ADAM17: variants seen among roughly 807,000 people sequenced by gnomAD.
ADAM17 encodes disintegrin and metalloproteinase domain-containing protein 17.
In ADAM17, 39 loss-of-function variants were observed where a neutral mutation model predicts 96.7. That is an observed-to-expected ratio of 0.40 (90% CI 0.31 to 0.53). The LOEUF is 0.53. Ranked by LOEUF, ADAM17 falls within the 20% of genes least tolerant of loss-of-function variation. ADAM17 has a pLI of 0.44. For missense variants in ADAM17, 777 were observed against 1,013.2 expected, an observed-to-expected ratio of 0.77 and a Z score of 3.17; for synonymous variants, 344 against 359.2, an observed-to-expected ratio of 0.96 and a Z score of 0.48.
intron 2 of ADAM17, among the ~76,000 whole-genome samples, chr2:9,541,285 G>A (rs913841206): frequency 2.6e-5 from 4 of 152,202 alleles, no homozygotes; most frequent in East Asian, 1.9e-4. Flanking sequence ...ATTTTGGGTC[G>A]GGCACGGTGG....
chr2:9,524,748 T>C (rs1353355943), intron 6 of ADAM17, among the ~76,000 whole-genome samples: 2 of 152,190 alleles, frequency 1.3e-5, no homozygotes, highest in Non-Finnish European at 2.9e-5. Context: ...AGAACAAGGT[T>C]CATTTCAGCA....
Position 9,491,098 on chromosome 2 carries a change from T to C in ADAM17, c.2133+3A>G. The stretch of plus-strand genomic sequence containing the variant: ...TTATGTTTCTTTCATATGGTATACT[T>C]ACACTGGGGTGAAACAGAGACAGAG... On this transcript the variant is annotated splice_donor_region_variant and intron_variant, in intron 18 of 18. Coordinates refer to ENST00000310823, the MANE Select transcript of ADAM17 (RefSeq NM_003183.6). The C allele has an allele frequency of 6.2e-7, 1 of 1,612,548 alleles. No homozygotes were observed. The highest frequency in any genetic ancestry group is 8.5e-7 in the Non-Finnish European group (1 of 1,178,696).
At position 9,521,311 on chromosome 2, in the gene ADAM17, G is replaced by A; in HGVS notation, c.849C>T (p.Arg283=). 1 of 1,594,702 alleles carries A rather than the reference G, an allele frequency of 6.3e-7. No homozygotes were observed. The highest frequency in any genetic ancestry group is 2.2e-5 in the East Asian group (1 of 44,766). ...TTACCTCTTGTGGAGACTTGAGAAT[G>A]CGAATCTATACTTAAAGAGATCATA... is the stretch of plus-strand genomic sequence containing the variant. ...KGYGIQIEQI[R]ILKSPQEVKP... Residue 283 remains arginine, a synonymous_variant, in exon 8 of 19, where the codon CGC becomes CGT. Coordinates refer to ENST00000310823, the MANE Select transcript of ADAM17 (RefSeq NM_003183.6).
At chr2:9,500,851 G>A (rs1004512324) in intron 13 of ADAM17, among the ~76,000 whole-genome samples, 5 of 152,148 alleles carry the variant, frequency 3.3e-5, no homozygotes, top group African/African-American at 1.2e-4. Flanking sequence ...AAAAGATACT[G>A]GACACCTGGA....
Position 9,543,265 on chromosome 2 carries a change from A to G in ADAM17, c.118T>C (p.Ser40Pro). 1 of 1,597,584 alleles carries G rather than the reference A, an allele frequency of 6.3e-7. No individual in the cohort carries two copies. The highest frequency in any genetic ancestry group is 1.1e-5 in the South Asian group (1 of 87,488). Residue 40 changes from serine to proline, a missense_variant, in exon 2 of 19, where the codon TCA becomes CCA. By Grantham distance (74) the Ser-to-Pro change is moderately conservative (BLOSUM62 -1). This residue lies in a region of ADAM17 where 134 missense variants were observed against 129.1 expected (regional missense o/e 1.04). Transcript: ENST00000310823. The stretch of plus-strand genomic sequence containing the variant: ...GATAAAGAGAGAATATCGTAGTCTG[A>G]GAGCAAAGAATCAAGCTTCTCTGAA... The part of the protein sequence containing the change: ...QRLEKLDSLL[S>P]DYDILSLSNI...
intron 7 of ADAM17, 71 bp downstream of exon 7, chr2:9,523,178 T>C: frequency 8.3e-7 from 1 of 1,210,746 alleles, no homozygotes; most frequent in Non-Finnish European, 1.2e-6. Context: ...AGTTTTTAGG[T>C]TTTGAATACA....
chr2:9,526,520 G>C (rs1664537125), intron 5 of ADAM17, among the ~76,000 whole-genome samples: 2 of 152,150 alleles, frequency 1.3e-5, no homozygotes, highest in Non-Finnish European at 2.9e-5. Flanking sequence ...GTAAGGCCGG[G>C]CATGTTGGCT....
chr2:9,493,889 C>T, intron 15 of ADAM17, 64 bp from the exon 16 acceptor site: 1 of 1,405,628 alleles, frequency 7.1e-7, no homozygotes, highest in South Asian at 1.2e-5. Context: ...AGCAATGTAG[C>T]TTTATAAAAA....
At chr2:9,503,769 C>T (rs1663177904) in intron 12 of ADAM17, among the ~76,000 whole-genome samples, 2 of 148,204 alleles carry the variant, frequency 1.3e-5, no homozygotes, top group Non-Finnish European at 3.0e-5. Flanking sequence ...ACCCAGGAGG[C>T]GGAGGTTGCA....
At position 9,490,224 on chromosome 2, in the gene ADAM17, T is replaced by TAAAGGAGGCAGCCTTTTC. The variant is rs745697785; in HGVS notation, c.2410_2427dup (p.Glu804_Phe809dup). 1 of 1,606,142 alleles carries TAAAGGAGGCAGCCTTTTC rather than the reference T, an allele frequency of 6.2e-7. No individual in the cohort carries two copies. Among genetic ancestry groups the TAAAGGAGGCAGCCTTTTC allele is most frequent in the Non-Finnish European group, 8.5e-7 (1 of 1,173,018 alleles). ...TCAACACGATTCTGACGCTGCAGTT[T>TAAAGGAGGCAGCCTTTTC]AAAGGAGGCAGCCTTTTCACTTCTG... On this transcript the variant is annotated inframe_insertion, in exon 19 of 19. Coordinates refer to ENST00000310823, the MANE Select transcript of ADAM17 (RefSeq NM_003183.6).
intron 2 of ADAM17, among the ~76,000 whole-genome samples, chr2:9,542,156 CA>C (rs377625634): frequency 1.3e-5 from 2 of 152,132 alleles, no homozygotes; most frequent in African/African-American, 4.8e-5. Context: ...TTTCAATGTG[CA>C]AAACAATACG....
At chr2:9,535,761 C>A in intron 4 of ADAM17, 73 bp downstream of exon 4, 1 of 937,942 alleles carries the variant, frequency 1.1e-6, no homozygotes, top group South Asian at 1.7e-5. Flanking sequence ...TACTTTTCAC[C>A]TTTGCAGAAC....
chr2:9,504,718 C>T (rs928388839), intron 12 of ADAM17, among the ~76,000 whole-genome samples: 3 of 149,036 alleles, frequency 2.0e-5, no homozygotes, highest in African/African-American at 7.4e-5. Flanking sequence ...GCCAAGATCG[C>T]GCCACTGCAC....
intron 4 of ADAM17, among the ~76,000 whole-genome samples, chr2:9,533,176 G>C (rs1315469347): frequency 6.7e-6 from 1 of 150,064 alleles, no homozygotes; most frequent in Non-Finnish European, 1.5e-5. Flanking sequence ...GTGACAGGGC[G>C]AGATGCCATC....
intron 11 of ADAM17, among the ~76,000 whole-genome samples, chr2:9,507,277 G>A (rs1236823664): frequency 1.3e-5 from 2 of 152,164 alleles, no homozygotes; most frequent in Non-Finnish European, 2.9e-5. Flanking sequence ...ATCACCTGAG[G>A]TCAGGAGTTT....
intron 11 of ADAM17, 92 bp from the exon 12 acceptor site, chr2:9,505,457 A>C: frequency 1.5e-6 from 2 of 1,334,010 alleles, no homozygotes; most frequent in Non-Finnish European, 2.1e-6. Context: ...ACAAACTCTT[A>C]ATGTAAAACC....
At chr2:9,542,359 G>A (rs1416099618) in intron 2 of ADAM17, among the ~76,000 whole-genome samples, 1 of 152,122 alleles carries the variant, frequency 6.6e-6, no homozygotes, top group Non-Finnish European at 1.5e-5. Flanking sequence ...TGGCAACATG[G>A]CAAGACCCTG....
chr2:9,549,127 C>T (rs1027481699), intron 1 of ADAM17, among the ~76,000 whole-genome samples: 4 of 152,108 alleles, frequency 2.6e-5, no homozygotes, highest in African/African-American at 4.8e-5. Flanking sequence ...AATCCCAGCA[C>T]TTTGGGAGGC....
At position 9,534,836 on chromosome 2, in the gene ADAM17, T is replaced by C. The variant is rs1664896915; in HGVS notation, c.450+998A>G. On this transcript the variant is annotated intron_variant, in intron 4 of 18. Transcript: ENST00000310823. ...TTAAAATAAAGGTATTCTTAAAAAATAAATTGATTTGAAAGAACAGGCAAA... is the reference window on the plus strand; with the variant it reads ...TTAAAATAAAGGTATTCTTAAAAAACAAATTGATTTGAAAGAACAGGCAAA... Among the ~76,000 whole-genome samples, 2 of 152,214 alleles carry C rather than the reference T, an allele frequency of 1.3e-5. 1 individual carries two copies. Among genetic ancestry groups the C allele is most frequent in the South Asian group, 4.1e-4 (2 of 4,832 alleles).
Sources: allele counts gnomAD v4.1 joint callset (sites outside exome capture counted in the v4.1 genomes callset), GRCh38; gene constraint gnomAD v4.1.1; regional missense constraint gnomAD v4.1.1; transcripts MANE v1.5; gene names NCBI Gene and HGNC (gene_info 2026-07-23, HGNC 2026-07-21).